The following JAZF1 variants were observed in gnomAD, a reference collection of about 807,000 sequenced individuals.
JAZF1 encodes juxtaposed with another zinc finger protein 1.
In JAZF1, 8 loss-of-function variants were observed where a neutral mutation model predicts 26.4. The ratio of observed to expected loss-of-function variants is 0.30; its 90% confidence interval spans 0.18 to 0.55. The LOEUF (loss-of-function observed/expected upper bound fraction) is 0.55, where lower values mean the gene tolerates loss of function less well. JAZF1 is among the 20% of genes least tolerant of loss of function. The pLI is 0.94. For missense variants in JAZF1, 199 were observed against 322.0 expected, an observed-to-expected ratio of 0.62 and a Z score of 2.92; for synonymous variants, 126 against 122.3, an observed-to-expected ratio of 1.03 and a Z score of -0.20.
At chr7:27,846,063 C>G (rs1296570220) in intron 3 of JAZF1, among the ~76,000 whole-genome samples, 1 of 152,136 alleles carries the variant, frequency 6.6e-6, no homozygotes, top group African/African-American at 2.4e-5. Context: ...ACAAAGCTCT[C>G]TAGCTTTGTT....
intron 1 of JAZF1, among the ~76,000 whole-genome samples, chr7:28,123,622 G>T (rs1782639744): frequency 6.6e-6 from 1 of 152,154 alleles, no homozygotes; most frequent in Non-Finnish European, 1.5e-5. Context: ...ACAAAGCCTG[G>T]CCCCTGCCAG....
chr7:28,011,014 G>C (rs546693254), intron 1 of JAZF1, among the ~76,000 whole-genome samples: 1 of 152,232 alleles, frequency 6.6e-6, no homozygotes, highest in East Asian at 1.9e-4. Flanking sequence ...GGTAACTAGC[G>C]GGCTCCTCAC....
At chr7:27,918,629 A>G (rs1784481044) in intron 2 of JAZF1, among the ~76,000 whole-genome samples, 1 of 152,216 alleles carries the variant, frequency 6.6e-6, no homozygotes, top group Non-Finnish European at 1.5e-5. Context: ...TATTGAGCAC[A>G]TATTGCTGCA....
At chr7:27,943,423 G>A (rs1784878421) in intron 2 of JAZF1, among the ~76,000 whole-genome samples, 1 of 152,178 alleles carries the variant, frequency 6.6e-6, no homozygotes, top group Non-Finnish European at 1.5e-5. Context: ...GGCTAATGAG[G>A]CCCAGATGCG....
At chr7:28,000,101 A>G (rs908882432) in intron 1 of JAZF1, among the ~76,000 whole-genome samples, 3 of 152,178 alleles carry the variant, frequency 2.0e-5, no homozygotes, top group South Asian at 2.1e-4. Context: ...GTCTGTGGAT[A>G]CTGTAGAAAA....
At chr7:27,955,044 C>T (rs1785064771) in intron 2 of JAZF1, among the ~76,000 whole-genome samples, 1 of 152,214 alleles carries the variant, frequency 6.6e-6, no homozygotes, top group Non-Finnish European at 1.5e-5. Context: ...AGGCATGAGC[C>T]ACCGTGCCCA....
At chr7:28,129,142 C>G (rs1329649048) in intron 1 of JAZF1, among the ~76,000 whole-genome samples, 1 of 151,852 alleles carries the variant, frequency 6.6e-6, no homozygotes, top group African/African-American at 2.4e-5. Context: ...CTTAGTCATA[C>G]AAGAAGACCC....
At position 28,180,706 on chromosome 7, in the gene JAZF1, G is replaced by T. The variant is rs1013134366; in HGVS notation, c.-129C>A. ...GGGAGAGAGGCGGGGTGAGGGGAGC[G>T]GCGAGGACGGGACGGAGGGAGAGGG... is the stretch of plus-strand genomic sequence containing the variant. On this transcript the variant is annotated 5_prime_UTR_variant, in exon 1 of 5. Transcript: ENST00000283928. The T allele has an allele frequency of 4.9e-5, 30 of 607,282 alleles. No individual in the cohort carries two copies. The highest frequency in any genetic ancestry group is 8.8e-6 in the Non-Finnish European group (3 of 340,184). The allele number at this position is 607,282 out of a possible 1,614,324, so 37.6% of individuals were successfully genotyped here. A position where few individuals can be genotyped will look rare whatever the true frequency, so the allele number is the denominator to read the frequency against.
chr7:28,084,106 C>T (rs1470002824), intron 1 of JAZF1, among the ~76,000 whole-genome samples: 1 of 152,146 alleles, frequency 6.6e-6, no homozygotes, highest in Non-Finnish European at 1.5e-5. Context: ...AACCATCACA[C>T]TGCAACATTT....
chr7:28,011,520 T>TTGA (rs957055622), intron 1 of JAZF1, among the ~76,000 whole-genome samples: 19 of 152,174 alleles, frequency 1.2e-4, no homozygotes, highest in African/African-American at 4.6e-4. Context: ...GGAAGAAAGG[T>TTGA]GTCATGATGA....
intron 1 of JAZF1, among the ~76,000 whole-genome samples, chr7:28,113,444 A>G (rs543168835): frequency 2.6e-5 from 4 of 152,312 alleles, no homozygotes; most frequent in African/African-American, 7.2e-5. Context: ...CACTCACCAC[A>G]GTCTGCCCAC....
At chr7:27,917,529 G>A (rs993350967) in intron 2 of JAZF1, among the ~76,000 whole-genome samples, 4 of 152,164 alleles carry the variant, frequency 2.6e-5, no homozygotes, top group Non-Finnish European at 4.4e-5. Context: ...TGAGAACCAC[G>A]GAGTTTAGAC....
At chr7:28,101,673 G>A (rs555017912) in intron 1 of JAZF1, among the ~76,000 whole-genome samples, 2 of 151,954 alleles carry the variant, frequency 1.3e-5, no homozygotes, top group African/African-American at 4.8e-5. Flanking sequence ...GAGCCCAGGA[G>A]GTTGAGGCTG....
intron 1 of JAZF1, among the ~76,000 whole-genome samples, chr7:28,173,016 ATCT>A (rs771456962): frequency 2.6e-5 from 4 of 152,210 alleles, no homozygotes; most frequent in Non-Finnish European, 5.9e-5. Context: ...ATTGCTTAAA[ATCT>A]TCTTCCAATT....
At chr7:28,027,740 A>C (rs1783118337) in intron 1 of JAZF1, among the ~76,000 whole-genome samples, 1 of 152,188 alleles carries the variant, frequency 6.6e-6, no homozygotes, top group African/African-American at 2.4e-5. Context: ...GTTAATCCTC[A>C]CAATTACCCT....
intron 2 of JAZF1, among the ~76,000 whole-genome samples, chr7:27,949,545 G>A (rs1784975260): frequency 6.6e-6 from 1 of 152,188 alleles, no homozygotes; most frequent in East Asian, 1.9e-4. Flanking sequence ...GGTGGATCAT[G>A]TGAGGTCAGG....
intron 1 of JAZF1, among the ~76,000 whole-genome samples, chr7:28,144,284 T>A (rs1321175326): frequency 6.6e-6 from 1 of 152,158 alleles, no homozygotes. Flanking sequence ...CTCCAAAAGG[T>A]TGACATATTA....
Position 27,840,996 on chromosome 7 carries a change from C to T in JAZF1, c.386-129G>A, listed in dbSNP as rs774033438. On this transcript the variant is annotated intron_variant, in intron 3 of 4. Transcript: ENST00000283928. The surrounding 1 kb of genome is among the most constrained non-coding windows in gnomAD (Gnocchi z 5.1). ...TGACGGCCCAGGGAGAGGGCACTCC[C>T]GGCACCAGGGGACTGCAAACACGGC... The T allele has an allele frequency of 1.5e-4, 131 of 872,542 alleles. 1 individual carries two copies. Among genetic ancestry groups the T allele is most frequent in the East Asian group, 6.5e-4 (26 of 40,216 alleles). 54.0% of individuals were successfully genotyped at this position (872,542 alleles called of 1,614,324 possible).
rs1430520793 is a variant in JAZF1, at chr7:27,830,863, T to TATC, written c.*1934_*1936dup. The TATC allele has an allele frequency of 4.7e-6, 1 of 213,092 alleles. No individual in the cohort carries two copies. The highest frequency in any genetic ancestry group is 2.3e-5 in the African/African-American group (1 of 44,370). 13.2% of individuals were successfully genotyped at this position (213,092 alleles called of 1,614,324 possible). A position where few individuals can be genotyped will look rare whatever the true frequency, so the allele number is the denominator to read the frequency against. ...GAATAAGTAAATAGAAATTGGAATT[T>TATC]ATCTTTGAAAGCATTGAAAGAAATT... On this transcript the variant is annotated 3_prime_UTR_variant, in exon 5 of 5. Coordinates refer to ENST00000283928, the MANE Select transcript of JAZF1 (RefSeq NM_175061.4).
Sources: gnomAD v4.1 joint callset for allele counts (sites outside exome capture counted in the v4.1 genomes callset) on GRCh38, gnomAD v4.1.1 for gene constraint, Gnocchi (gnomAD v3.1) non-coding constraint, MANE v1.5 for transcripts, NCBI Gene and HGNC (gene_info 2026-07-23, HGNC 2026-07-21) for gene names.